TXNRD1: variants seen among roughly 807,000 people sequenced by gnomAD.
TXNRD1 encodes the protein thioredoxin reductase 1.
TXNRD1 carries 57 observed loss-of-function variants against 80.3 expected under a neutral mutation model. That is an observed-to-expected ratio of 0.71 (90% CI 0.57 to 0.89). The LOEUF (loss-of-function observed/expected upper bound fraction) is 0.89, where lower values mean the gene tolerates loss of function less well. Ranked by LOEUF, TXNRD1 falls within the 40% of genes least tolerant of loss-of-function variation. TXNRD1 has a pLI of 0.00. For synonymous variants in TXNRD1, 291 were observed against 285.2 expected (o/e 1.02, Z -0.20); for missense variants, 730 against 803.0 (o/e 0.91, Z 1.10).
intron 4 of TXNRD1, among the ~76,000 whole-genome samples, chr12:104,299,976 G>C (rs1200718775): frequency 2.6e-5 from 4 of 152,124 alleles, no homozygotes; most frequent in African/African-American, 9.7e-5. Context: ...ATATGTTAGA[G>C]TGTGGGACTC....
At chr12:104,298,026 A>G (rs1422523611) in intron 4 of TXNRD1, among the ~76,000 whole-genome samples, 1 of 152,236 alleles carries the variant, frequency 6.6e-6, no homozygotes, top group Non-Finnish European at 1.5e-5. Context: ...TTGACCACAG[A>G]GCAAGGGTGG....
At chr12:104,246,505 A>G (rs1458252733) in intron 1 of TXNRD1, among the ~76,000 whole-genome samples, 7 of 145,158 alleles carry the variant, frequency 4.8e-5, no homozygotes, top group African/African-American at 1.8e-4. Context: ...TTTTGAAAGT[A>G]CATTTTATTG....
At chr12:104,272,723 C>T (rs1413630546) in intron 3 of TXNRD1, among the ~76,000 whole-genome samples, 2 of 150,072 alleles carry the variant, frequency 1.3e-5, no homozygotes, top group Non-Finnish European at 3.0e-5. Flanking sequence ...ACCTGGGAGG[C>T]GGAGCTTGCA....
chr12:104,333,990 A>G (rs1244154363), intron 14 of TXNRD1: 4 of 251,578 alleles, frequency 1.6e-5, no homozygotes, highest in Non-Finnish European at 2.3e-5. Context: ...CTTTTTTGTT[A>G]TTAGTTAGGG....
At chr12:104,328,708 G>C (rs569657667) in intron 13 of TXNRD1, among the ~76,000 whole-genome samples, 21 of 144,596 alleles carry the variant, frequency 1.5e-4, no homozygotes, top group African/African-American at 5.4e-4. Context: ...GCCGTGAGCC[G>C]AGATTGCACC....
intron 15 of TXNRD1, among the ~76,000 whole-genome samples, chr12:104,335,042 G>T (rs2036086807): frequency 6.6e-6 from 1 of 152,142 alleles, no homozygotes; most frequent in Non-Finnish European, 1.5e-5. Flanking sequence ...AGATTTCATT[G>T]CCTGATGCTA....
At chr12:104,287,106 T>G in intron 3 of TXNRD1, 1 of 1,457,628 alleles carries the variant, frequency 6.9e-7, no homozygotes, top group South Asian at 1.4e-5. Flanking sequence ...ATTCTCAAAT[T>G]CTTGTAAGCT....
In TXNRD1 at chr12:104,329,770, C is replaced by A. The variant is rs143142756; in HGVS notation, c.1543-1764C>A. On this transcript the variant is annotated intron_variant, in intron 13 of 16. Coordinates refer to ENST00000525566, the MANE Select transcript of TXNRD1 (RefSeq NM_001093771.3). ...ACAGACCTCAAGAACTCTCTTTATG[C>A]GTGCAATTCCATCCTTTCTGGTTTT... 1.3e-3 allele frequency among the ~76,000 whole-genome samples: 203 copies of A among 152,322 alleles called. 2 individuals are homozygous for A. The East Asian group carries it at 0.016, about 12-fold the overall frequency.
intron 4 of TXNRD1, among the ~76,000 whole-genome samples, chr12:104,302,626 AC>A (rs2034682221): frequency 6.6e-6 from 1 of 151,188 alleles, no homozygotes; most frequent in Admixed American, 6.6e-5. Context: ...AGTAGCTGGG[AC>A]TATAGGCGCC....
intron 6 of TXNRD1, among the ~76,000 whole-genome samples, chr12:104,314,835 G>A (rs926362376): frequency 6.7e-6 from 1 of 148,832 alleles, no homozygotes; most frequent in African/African-American, 2.5e-5. Flanking sequence ...TCCACCTCCT[G>A]GGTACAAGCA....
chr12:104,314,889 G>A (rs1457783269), intron 6 of TXNRD1, among the ~76,000 whole-genome samples: 2 of 151,854 alleles, frequency 1.3e-5, no homozygotes, highest in African/African-American at 4.8e-5. Flanking sequence ...TTACAGACAC[G>A]TACCACCATG....
At position 104,297,942 on chromosome 12, in the gene TXNRD1, C is replaced by T. The variant is rs570793050; in HGVS notation, c.414+8902C>T. On this transcript the variant is annotated intron_variant, in intron 4 of 16. Transcript: ENST00000525566. ...CTGAAAGGTTGTTCTTTTCATCTCA[C>T]GCCCTTATTTATATTCTTGAGGCTT... is the stretch of plus-strand genomic sequence containing the variant. Among the ~76,000 whole-genome samples the T allele has an allele frequency of 1.3e-4, 20 of 152,246 alleles. No individual in the cohort carries two copies. In the South Asian group the frequency reaches 2.7e-3, roughly 21 times the overall value.
At chr12:104,248,031 C>T (rs959829021) in intron 1 of TXNRD1, among the ~76,000 whole-genome samples, 1 of 152,102 alleles carries the variant, frequency 6.6e-6, no homozygotes, top group Non-Finnish European at 1.5e-5. Context: ...AATGTTACCA[C>T]GAGGAATGTT....
intron 4 of TXNRD1, among the ~76,000 whole-genome samples, chr12:104,294,189 A>G (rs2034339563): frequency 7.3e-6 from 1 of 136,914 alleles, no homozygotes; most frequent in African/African-American, 2.8e-5. Context: ...GCCCTCCACA[A>G]GAGGTGGAGG....
At chr12:104,286,628 C>T (rs1302841714) in intron 3 of TXNRD1, 3 of 724,040 alleles carry the variant, frequency 4.1e-6, no homozygotes, top group Non-Finnish European at 5.1e-6. Context: ...GGTCACACTC[C>T]ACACCAATGA....
chr12:104,276,515 C>G (rs1301101423), intron 3 of TXNRD1: 1 of 152,196 alleles, frequency 6.6e-6, no homozygotes, highest in Non-Finnish European at 1.5e-5. Flanking sequence ...TTAGCAAATA[C>G]TACAAATCAG....
intron 15 of TXNRD1, among the ~76,000 whole-genome samples, chr12:104,338,390 G>A (rs960162805): frequency 5.9e-5 from 9 of 151,622 alleles, no homozygotes; most frequent in Non-Finnish European, 1.2e-4. Flanking sequence ...GTTAGCAGCA[G>A]TCATTAAAGT....
chr12:104,291,196 C>CTTTTT (rs35069007), intron 4 of TXNRD1: 2 of 136,364 alleles, frequency 1.5e-5, no homozygotes, highest in African/African-American at 3.8e-5. Context: ...TACTTTGTGT[C>CTTTTT]TTTTTTTTTT....
At chr12:104,292,508 C>T (rs541807818) in intron 4 of TXNRD1, among the ~76,000 whole-genome samples, 1 of 152,058 alleles carries the variant, frequency 6.6e-6, no homozygotes, top group East Asian at 1.9e-4. Context: ...GTTCTCCTGC[C>T]TCAGCCTCTC....
Sources: gnomAD v4.1 joint callset for allele counts (sites outside exome capture counted in the v4.1 genomes callset) on GRCh38, gnomAD v4.1.1 for gene constraint, MANE v1.5 for transcripts, NCBI Gene and HGNC (gene_info 2026-07-23, HGNC 2026-07-21) for gene names.